The following MTERF4 variants were observed in gnomAD, a reference collection of about 807,000 sequenced individuals.
The protein encoded by MTERF4 is transcription termination factor 4, mitochondrial.
A neutral mutation model predicts 22.5 loss-of-function variants in MTERF4; 17 were observed. The ratio of observed to expected loss-of-function variants is 0.75; its 90% CI spans 0.52 to 1.13. MTERF4 has a LOEUF of 1.13. Ranked by LOEUF, MTERF4 falls within the 50% of genes most tolerant of loss-of-function variation. MTERF4 has a pLI of 0.00. For synonymous variants in MTERF4, 165 were observed against 175.3 expected (o/e 0.94, Z 0.47); for missense variants, 420 against 466.8 (o/e 0.90, Z 0.92).
chr2:241,087,630 C>T (rs948731218), downstream of MTERF4: 33 of 1,436,906 alleles, frequency 2.3e-5, no homozygotes, highest in East Asian at 7.6e-5. Context: ...CGTTCTGCTA[C>T]GAAACTGTAT....
At chr2:241,061,497 T>C in the MTERF4 span, among the ~76,000 whole-genome samples, 1 of 152,226 alleles carries the variant, frequency 6.6e-6, no homozygotes, top group Non-Finnish European at 1.5e-5. Context: ...ACGTCAACTG[T>C]GTTCCAGCAA....
At chr2:241,070,234 C>G (rs10174683), downstream of MTERF4, 62,983 of 1,562,414 alleles carry the variant, frequency 0.04, 8,299 homozygotes, top group African/African-American at 0.36. Flanking sequence ...GTGGGCGGGG[C>G]CAGTGTTTGC....
intron 4 of MTERF4, among the ~76,000 whole-genome samples, chr2:241,078,867 A>C (rs554331390): frequency 3.2e-4 from 48 of 152,126 alleles, no homozygotes; most frequent in Admixed American, 2.2e-3. Flanking sequence ...TAATCCCAGC[A>C]CTTTGGGAGG....
Position 241,096,052 on chromosome 2 carries a change from G to A in MTERF4, c.1092C>T (p.Asp364=), listed in dbSNP as rs116505969. 19 of 1,611,326 alleles carry A rather than the reference G, an allele frequency of 1.2e-5. No homozygotes were observed. Among genetic ancestry groups the A allele is most frequent in the Middle Eastern group, 3.3e-4 (2 of 6,056 alleles). The change falls in exon 4 of 4, where the codon GAC becomes GAT. Residue 364 remains aspartate, a synonymous_variant. Transcript: ENST00000391980. The surrounding 1 kb of genome is among the most constrained non-coding windows in gnomAD (Gnocchi z 5.1). ...CATCATTGTCCTCCGCCTCGTCGTC[G>A]TCCTCATCATCGTCATCCTCATCAT... is the stretch of plus-strand genomic sequence containing the variant. ...DDNDEDDDDE[D]DDEAEDNDED...
downstream of MTERF4, among the ~76,000 whole-genome samples, chr2:241,085,042 A>G (rs991066637): frequency 6.6e-6 from 1 of 151,032 alleles, no homozygotes; most frequent in African/African-American, 2.4e-5. Context: ...TGCCCCTTTT[A>G]TGTTTTCCCT....
At chr2:241,097,463 C>G (rs1444632804) in intron 2 of MTERF4, 36 bp from the exon 3 acceptor site, 3 of 1,583,746 alleles carry the variant, frequency 1.9e-6, no homozygotes, top group Non-Finnish European at 2.6e-6. Flanking sequence ...CATATAATTT[C>G]AGGATACTCC....
downstream of MTERF4, among the ~76,000 whole-genome samples, chr2:241,069,670 G>A (rs2062613970): frequency 1.3e-5 from 2 of 151,792 alleles, no homozygotes. The surrounding 1 kb of genome is among the most constrained non-coding windows in gnomAD (Gnocchi z 4.9). Context: ...ACGGGCCAGG[G>A]CCTGGGGGCT....
the MTERF4 span, chr2:241,065,388 A>G: frequency 6.2e-7 from 1 of 1,613,190 alleles, no homozygotes; most frequent in Non-Finnish European, 8.5e-7. Context: ...TCCAGCCGCC[A>G]GGCAGATGCT....
chr2:241,079,390 C>T (rs571991753), intron 4 of MTERF4, among the ~76,000 whole-genome samples: 31 of 140,158 alleles, frequency 2.2e-4, no homozygotes, highest in Admixed American at 1.7e-3. Flanking sequence ...CCAGCCTGGG[C>T]GACAGAGTGA....
At chr2:241,083,033 A>C (rs1237581716), downstream of MTERF4, among the ~76,000 whole-genome samples, 1 of 152,148 alleles carries the variant, frequency 6.6e-6, no homozygotes, top group African/African-American at 2.4e-5. Flanking sequence ...TGCCTTCAGG[A>C]CCCGTTCATT....
At chr2:241,070,871 A>T (rs1413864636), downstream of MTERF4, among the ~76,000 whole-genome samples, 1 of 152,220 alleles carries the variant, frequency 6.6e-6, no homozygotes, top group Non-Finnish European at 1.5e-5. Context: ...GGGACAGAGC[A>T]GAGCAGTGCG....
the MTERF4 span, among the ~76,000 whole-genome samples, chr2:241,058,009 C>G: frequency 3.3e-5 from 5 of 152,062 alleles, no homozygotes; most frequent in Non-Finnish European, 1.5e-5. Context: ...GACTAACTCT[C>G]CAGGTGAGAG....
chr2:241,070,116 G>A (rs1559293745), downstream of MTERF4: 1 of 1,612,726 alleles, frequency 6.2e-7, no homozygotes, highest in Non-Finnish European at 8.5e-7. Context: ...TGCCGGGACG[G>A]CGGTACCAGC....
intron 4 of MTERF4, among the ~76,000 whole-genome samples, chr2:241,077,332 TAGG>T (rs1027014315): frequency 6.6e-6 from 1 of 152,150 alleles, no homozygotes; most frequent in Non-Finnish European, 1.5e-5. Context: ...GAAGAAAACA[TAGG>T]AGTAAATCTT....
chr2:241,074,903 C>G (rs558234356), exon 5 of MTERF4: 4 of 152,250 alleles, frequency 2.6e-5, no homozygotes, highest in African/African-American at 9.6e-5. Context: ...AACTTTGTGC[C>G]TAGAATTCCT....
At chr2:241,046,451 G>A in the MTERF4 span, among the ~76,000 whole-genome samples, 1 of 152,188 alleles carries the variant, frequency 6.6e-6, no homozygotes, top group Non-Finnish European at 1.5e-5. Flanking sequence ...CCTCTGTATG[G>A]TGGAATACTA....
At chr2:241,089,813 C>T (rs548996963), downstream of MTERF4, among the ~76,000 whole-genome samples, 20 of 152,382 alleles carry the variant, frequency 1.3e-4, no homozygotes, top group African/African-American at 3.1e-4. Context: ...TAGATGGCAC[C>T]GCGTACTGCG....
chr2:241,070,062 T>C (rs1456633303), downstream of MTERF4: 26 of 1,613,106 alleles, frequency 1.6e-5, no homozygotes, highest in South Asian at 7.7e-5. Flanking sequence ...AGAGCCGCTA[T>C]GTCCCCAACG....
At chr2:241,059,323 TA>T in the MTERF4 span, among the ~76,000 whole-genome samples, 2 of 152,258 alleles carry the variant, frequency 1.3e-5, no homozygotes, top group Admixed American at 1.3e-4. Context: ...AAAGGAATGA[TA>T]CCAACTTTGT....
Sources: gnomAD v4.1 joint callset for allele counts (sites outside exome capture counted in the v4.1 genomes callset) on GRCh38, gnomAD v4.1.1 for gene constraint, Gnocchi (gnomAD v3.1) non-coding constraint, MANE v1.5 for transcripts, NCBI Gene and HGNC (gene_info 2026-07-23, HGNC 2026-07-21) for gene names.